PIEZO2: variants seen among roughly 807,000 people sequenced by gnomAD.
PIEZO2 encodes piezo type mechanosensitive ion channel component 2, also known as piezo-type mechanosensitive ion channel component 2.
In PIEZO2, 172 loss-of-function variants were observed where a neutral mutation model predicts 337.3. The ratio of observed to expected loss-of-function variants is 0.51; its 90% confidence interval spans 0.45 to 0.58. The LOEUF (loss-of-function observed/expected upper bound fraction) is 0.58, where lower values mean the gene tolerates loss of function less well. PIEZO2 is among the 20% of genes least tolerant of loss of function. PIEZO2 has a pLI of 0.00. For missense variants in PIEZO2, 3,028 were observed against 3,391.3 expected (o/e 0.89, Z 2.66); for synonymous variants, 1,251 against 1,228.5 (o/e 1.02, Z -0.38).
rs1257624478 is a variant in PIEZO2, at chr18:11,016,999, G to A, written c.161-37339C>T. Among the ~76,000 whole-genome samples the A allele has an allele frequency of 6.6e-6, 1 of 152,198 alleles. No individual in the cohort carries two copies. Among genetic ancestry groups the A allele is most frequent in the East Asian group, 1.9e-4 (1 of 5,194 alleles). On this transcript the variant is annotated intron_variant, in intron 2 of 55. Coordinates refer to ENST00000674853, the MANE Select transcript of PIEZO2 (RefSeq NM_001378183.1). This position sits in a 1 kb window ranked among gnomAD's most constrained non-coding sequence, Gnocchi z 5.6. ...GATTGAAGGGTCAGGGTTAGAAACA[G>A]TCTCAGGTGGAAGAACCAGGTACAC...
At chr18:10,996,943 A>G (rs1468713772) in intron 2 of PIEZO2, among the ~76,000 whole-genome samples, 1 of 152,164 alleles carries the variant, frequency 6.6e-6, no homozygotes, top group Non-Finnish European at 1.5e-5. Context: ...AGAACTAAAG[A>G]TTAAAGGAAA....
chr18:10,698,521 A>G (rs971241562), intron 44 of PIEZO2, among the ~76,000 whole-genome samples: 3 of 152,236 alleles, frequency 2.0e-5, no homozygotes, highest in Non-Finnish European at 2.9e-5. Context: ...GGAAATAACC[A>G]TAGTTTGGCT....
At chr18:11,091,246 TG>T (rs1279161312) in intron 1 of PIEZO2, among the ~76,000 whole-genome samples, 1 of 151,870 alleles carries the variant, frequency 6.6e-6, no homozygotes, top group Non-Finnish European at 1.5e-5. Flanking sequence ...TAGCCGTGCA[TG>T]GTGGCACGCG....
intron 36 of PIEZO2, chr18:10,725,292 G>T: frequency 6.3e-7 from 1 of 1,576,448 alleles, no homozygotes. Flanking sequence ...GGTCCATTGT[G>T]GGTAAATACA....
chr18:10,915,176 C>A (rs2030836728), intron 3 of PIEZO2, among the ~76,000 whole-genome samples: 1 of 132,660 alleles, frequency 7.5e-6, no homozygotes, highest in Non-Finnish European at 1.6e-5. Context: ...GCCAGAAAGC[C>A]AGGCTCACCC....
intron 1 of PIEZO2, among the ~76,000 whole-genome samples, chr18:11,087,237 G>A (rs1385604153): frequency 1.3e-5 from 2 of 152,150 alleles, no homozygotes; most frequent in Non-Finnish European, 2.9e-5. Context: ...AGAAATAAAT[G>A]TCTGTTGTTT....
intron 4 of PIEZO2, among the ~76,000 whole-genome samples, chr18:10,892,199 A>G (rs1000985894): frequency 6.6e-6 from 1 of 152,242 alleles, no homozygotes; most frequent in African/African-American, 2.4e-5. Context: ...TAATGTCTAT[A>G]TAATGGAATA....
intron 3 of PIEZO2, among the ~76,000 whole-genome samples, chr18:10,919,042 C>T (rs1359703643): frequency 5.3e-5 from 8 of 151,872 alleles, no homozygotes; most frequent in Admixed American, 1.3e-4. Flanking sequence ...TATATGTGCT[C>T]AATTGAATTT....
rs1336749808 is a variant in PIEZO2 at position 10,759,444 on chromosome 18, A to G, written c.3757+38T>C. ...GAACAATGATTAACAGTAAACCCGG[A>G]TACCAGCACTCTGTGGCCCTGCAGT... is the stretch of plus-strand genomic sequence containing the variant. On this transcript the variant is annotated intron_variant, in intron 26 of 55. Coordinates refer to ENST00000674853, the MANE Select transcript of PIEZO2 (RefSeq NM_001378183.1). The surrounding 1 kb of genome is among the most constrained non-coding windows in gnomAD (Gnocchi z 5.5). 5.4e-6 allele frequency: 8 copies of G among 1,487,764 alleles called. No individual in the cohort carries two copies. The South Asian group carries it at 9.7e-5, about 18-fold the overall frequency. 92.2% of individuals were successfully genotyped at this position (1,487,764 alleles called of 1,614,324 possible).
chr18:10,855,039 C>T lies in PIEZO2; in HGVS notation c.917+314G>A, dbSNP rs1378544412. ...GATGCTGTGGCACATCCTTATTGTT[C>T]TTCGGTGTAAAATGTTCTTCCTGAT... On this transcript the variant is annotated intron_variant, in intron 7 of 55. Coordinates refer to ENST00000674853, the MANE Select transcript of PIEZO2 (RefSeq NM_001378183.1). The surrounding 1 kb of genome is among the most constrained non-coding windows in gnomAD (Gnocchi z 4.9). Among the ~76,000 whole-genome samples, 1 of 152,140 alleles carries T rather than the reference C, an allele frequency of 6.6e-6. No homozygotes were observed. Among genetic ancestry groups the T allele is most frequent in the South Asian group, 2.1e-4 (1 of 4,828 alleles).
At chr18:10,753,033 C>A (rs2037705434) in intron 27 of PIEZO2, among the ~76,000 whole-genome samples, 154 bp from the exon 28 acceptor site, 1 of 152,136 alleles carries the variant, frequency 6.6e-6, no homozygotes, top group Admixed American at 6.5e-5. Flanking sequence ...TCTAGGAAAC[C>A]CTCAAATAGT....
intron 3 of PIEZO2, among the ~76,000 whole-genome samples, chr18:10,912,246 T>C (rs1351151641): frequency 6.6e-6 from 1 of 152,154 alleles, no homozygotes; most frequent in African/African-American, 2.4e-5. Context: ...GTACCTGATA[T>C]AAGGAAAAGT....
chr18:10,845,209 T>C (rs1461151443), intron 7 of PIEZO2, among the ~76,000 whole-genome samples: 1 of 151,580 alleles, frequency 6.6e-6, no homozygotes, highest in East Asian at 1.9e-4. Context: ...TGTATATATA[T>C]ATATAAACAC....
At chr18:10,778,583 C>T (rs10853189) in intron 18 of PIEZO2, among the ~76,000 whole-genome samples, 130,982 of 152,160 alleles carry the variant, frequency 0.86, 56,383 homozygotes, top group East Asian at 0.93. Context: ...CCACCTGCCT[C>T]GGCTTCCCAA....
At chr18:10,842,410 G>A (rs889957945) in intron 7 of PIEZO2, among the ~76,000 whole-genome samples, 5 of 152,186 alleles carry the variant, frequency 3.3e-5, no homozygotes, top group African/African-American at 1.2e-4. Flanking sequence ...TGCCCTCCAT[G>A]AAGGGTTGGG....
At position 10,682,547 on chromosome 18, in the gene PIEZO2, C is replaced by G. The variant is rs576950597; in HGVS notation, c.7498-255G>C. On this transcript the variant is annotated intron_variant, in intron 49 of 55. Coordinates refer to ENST00000674853, the MANE Select transcript of PIEZO2 (RefSeq NM_001378183.1). The surrounding 1 kb of genome is among the most constrained non-coding windows in gnomAD (Gnocchi z 5.6). ...TCCACAGGGGCCAACAGGACTTAAG[C>G]GGCCTTCTCCCTTCAAGACTGTGGG... Among the ~76,000 whole-genome samples, 96 of 152,280 alleles carry G rather than the reference C, an allele frequency of 6.3e-4. No individual in the cohort carries two copies. The highest frequency in any genetic ancestry group is 2.2e-3 in the African/African-American group (90 of 41,568).
Position 10,705,638 on chromosome 18 carries a change from G to T in PIEZO2, c.5697C>A (p.Pro1899=). The T allele has an allele frequency of 5.9e-6, 9 of 1,537,110 alleles. No homozygotes were observed. The highest frequency in any genetic ancestry group is 7.8e-6 in the Non-Finnish European group (9 of 1,146,896). ...TGGCCTCGTACTCCTTGGCCTCCCT[G>T]GGCTCAGGCGCCGTGCTCCCTGCCT... The part of the protein sequence containing the change: ...EEEAGSTAPE[P]REAKEYEATG... Residue 1899 remains proline, a synonymous_variant, in exon 41 of 56, where the codon CCC becomes CCA. Transcript: ENST00000674853.
Position 10,681,658 on chromosome 18 carries a change from T to TA in PIEZO2, c.7779+2dup, listed in dbSNP as rs1467545952. The TA allele has an allele frequency of 6.4e-7, 1 of 1,573,958 alleles. No homozygotes were observed. The highest frequency in any genetic ancestry group is 1.7e-5 in the Admixed American group (1 of 59,876). ...CAGAAATCTACTATAGGGATTTACT[T>TA]ACGGTGTCCCTAGAAAAAGCTTGTA... On this transcript the variant is annotated splice_region_variant and intron_variant, in intron 51 of 55. Transcript: ENST00000674853.
intron 48 of PIEZO2, 33 bp downstream of exon 48, chr18:10,691,192 C>G (rs377756953): frequency 2.5e-6 from 4 of 1,602,724 alleles, no homozygotes; most frequent in Non-Finnish European, 3.4e-6. Context: ...ATTCTTCCCC[C>G]ATAAGTGACT....
Sources: allele counts gnomAD v4.1 joint callset (sites outside exome capture counted in the v4.1 genomes callset), GRCh38; gene constraint gnomAD v4.1.1; non-coding constraint Gnocchi (gnomAD v3.1); transcripts MANE v1.5; gene names NCBI Gene and HGNC (gene_info 2026-07-23, HGNC 2026-07-21).